The following NCOR2 variants were observed in gnomAD, a reference collection of about 807,000 sequenced individuals.
NCOR2 encodes CTG repeat protein 26.
NCOR2 carries 81 observed loss-of-function variants against 262.9 expected under a neutral mutation model. The observed-to-expected ratio is 0.31, with a 90% CI of 0.26 to 0.37. The LOEUF is 0.37. NCOR2 is among the 10% of genes least tolerant of loss of function. The probability of loss-of-function intolerance (pLI) is 1.00; values close to 1 mark genes in which losing one functional copy is unlikely to be tolerated. For synonymous variants in NCOR2, 1,659 were observed against 1,559.3 expected, an observed-to-expected ratio of 1.06 and a Z score of -1.51; for missense variants, 3,385 against 3,621.4, an observed-to-expected ratio of 0.93 and a Z score of 1.68.
chr12:124,428,467 G>A (rs1446263162), intron 10 of NCOR2, among the ~76,000 whole-genome samples: 1 of 152,176 alleles, frequency 6.6e-6, no homozygotes, highest in Non-Finnish European at 1.5e-5. Flanking sequence ...CGGATTCCTG[G>A]GCTCTGCCCC....
chr12:124,545,405 C>A (rs1369765976), intron 1 of NCOR2, among the ~76,000 whole-genome samples: 2 of 152,194 alleles, frequency 1.3e-5, no homozygotes, highest in Non-Finnish European at 2.9e-5. Context: ...TCTGCAGGAG[C>A]CTCTGGTCTG....
chr12:124,350,730 G>A (rs1467176568), exon 28 of NCOR2: 4 of 1,611,014 alleles, frequency 2.5e-6, no homozygotes, highest in African/African-American at 1.3e-5. Context: ...GACGTCAGCT[G>A]GCGTGCCCTG....
chr12:124,330,599 C>T (rs1436897421), intron 44 of NCOR2, among the ~76,000 whole-genome samples: 1 of 152,244 alleles, frequency 6.6e-6, no homozygotes, highest in Non-Finnish European at 1.5e-5. Context: ...CTGATACTTA[C>T]TAACCACCCG....
intron 1 of NCOR2, among the ~76,000 whole-genome samples, chr12:124,546,642 T>A (rs920058634): frequency 1.7e-4 from 26 of 152,086 alleles, no homozygotes; most frequent in Admixed American, 1.5e-3. Flanking sequence ...CTCAAACTCC[T>A]GGCCTCGAGA....
At chr12:124,468,873 A>C (rs1221135583) in intron 4 of NCOR2, among the ~76,000 whole-genome samples, 1 of 21,864 alleles carries the variant, frequency 4.6e-5, no homozygotes, top group African/African-American at 2.0e-4. Context: ...CATCATCCTC[A>C]TACTCATCAC....
chr12:124,479,498 C>T (rs560986177), intron 3 of NCOR2, among the ~76,000 whole-genome samples: 131 of 151,506 alleles, frequency 8.6e-4, no homozygotes, highest in Non-Finnish European at 1.5e-3. Flanking sequence ...CAGGCACATG[C>T]GCGCATACAC....
chr12:124,507,217 C>T (rs1294107117), intron 1 of NCOR2, among the ~76,000 whole-genome samples: 1 of 152,162 alleles, frequency 6.6e-6, no homozygotes, highest in Non-Finnish European at 1.5e-5. Context: ...GGGGGAGTTA[C>T]TGTTTAACAG....
At chr12:124,364,126 C>G (rs775880857) in intron 20 of NCOR2, among the ~76,000 whole-genome samples, 1 of 152,208 alleles carries the variant, frequency 6.6e-6, no homozygotes, top group Non-Finnish European at 1.5e-5. Context: ...GCTAGAGGCC[C>G]AGGCTGGGAT....
chr12:124,390,700 G>A (rs897265767), intron 16 of NCOR2, among the ~76,000 whole-genome samples: 1 of 152,232 alleles, frequency 6.6e-6, no homozygotes, highest in Non-Finnish European at 1.5e-5. Context: ...TCCCAAAAGA[G>A]GCTGGGGTAT....
At chr12:124,355,143 C>T (rs1566386870) in intron 24 of NCOR2, 2 of 614,730 alleles carry the variant, frequency 3.3e-6, no homozygotes, top group East Asian at 5.7e-5. Flanking sequence ...GAGCCCCTTG[C>T]ATTTGCCCTT....
intron 27 of NCOR2, among the ~76,000 whole-genome samples, chr12:124,351,904 A>G (rs1269780086): frequency 6.6e-6 from 1 of 152,206 alleles, no homozygotes; most frequent in Non-Finnish European, 1.5e-5. Flanking sequence ...TGGACCAGTG[A>G]GCTCTGAGTC....
Position 124,327,607 on chromosome 12 carries a change from C to T in NCOR2, c.6985G>A (p.Val2329Met), listed in dbSNP as rs201624482. Residue 2329 changes from valine to methionine, a missense_variant, in exon 45 of 47, where the codon GTG becomes ATG. Val to Met is a conservative substitution (Grantham distance 21, BLOSUM62 1). Around this residue, in one of 5 missense-constraint regions of NCOR2, gnomAD observed 1,017 missense variants for 967.2 expected, o/e 1.05. Coordinates refer to ENST00000405201, the Ensembl canonical transcript of NCOR2. ...ATGTTGGTGCTGGCATGTTCCTGCA[C>T]CGCCTGGCTTCTATAGGTCATAAGG... is the stretch of plus-strand genomic sequence containing the variant. 23 of 1,611,456 alleles carry T rather than the reference C, an allele frequency of 1.4e-5. No individual in the cohort carries two copies. In the African/African-American group the frequency reaches 2.1e-4, roughly 15 times the overall value.
At chr12:124,442,730 A>T (rs765927142) in intron 7 of NCOR2, among the ~76,000 whole-genome samples, 1 of 152,158 alleles carries the variant, frequency 6.6e-6, no homozygotes, top group Non-Finnish European at 1.5e-5. Flanking sequence ...AAAAAAACTG[A>T]TATGTGTAAA....
chr12:124,330,927 C>T, intron 43 of NCOR2, 29 bp from the exon 46 acceptor site: 3 of 1,566,896 alleles, frequency 1.9e-6, no homozygotes, highest in Non-Finnish European at 2.6e-6. Context: ...GTGGGTGAGG[C>T]CCCCAGGTCT....
Position 124,549,052 on chromosome 12 carries a change from A to C in NCOR2, c.-164-13441T>G, listed in dbSNP as rs1383167088. ...CTAGTCTGTATTAAGGAGGAATTTC[A>C]TTGCCCAGGAGTAGAGGGGATTTCC... On this transcript the variant is annotated intron_variant, in intron 1 of 32. Transcript: ENST00000458234. The surrounding 1 kb of genome is among the most constrained non-coding windows in gnomAD (Gnocchi z 4.4). 1.3e-5 allele frequency among the ~76,000 whole-genome samples: 2 copies of C among 152,056 alleles called. No individual in the cohort carries two copies. The highest frequency in any genetic ancestry group is 2.9e-5 in the Non-Finnish European group (2 of 68,026).
At chr12:124,336,760 A>C in exon 38 of NCOR2, 1 of 1,613,142 alleles carries the variant, frequency 6.2e-7, no homozygotes, top group Non-Finnish European at 8.5e-7. Flanking sequence ...TACCCAGAGA[A>C]CGGAGTTCCA....
rs1555222718 is a variant in NCOR2, at chr12:124,433,904, A to ACACACACACACACACACG, written c.883-3118_883-3117insCGTGTGTGTGTGTGTGTG. 4.8e-3 allele frequency among the ~76,000 whole-genome samples: 446 copies of ACACACACACACACACACG among 93,852 alleles called. 14 individuals are homozygous for ACACACACACACACACACG. Among genetic ancestry groups the ACACACACACACACACACG allele is most frequent in the Middle Eastern group, 0.012 (2 of 162 alleles). The allele number at this position is 93,852 out of a possible 152,430, so 61.6% of individuals were successfully genotyped here. A position where few individuals can be genotyped will look rare whatever the true frequency, so the allele number is the denominator to read the frequency against. On this transcript the variant is annotated intron_variant, in intron 8 of 46. Transcript: ENST00000405201. ...CACACACACACACACACACACGCAC[A>ACACACACACACACACACG]CACACACACAGGGAAAGACTGGAGC... is the stretch of plus-strand genomic sequence containing the variant.
At chr12:124,333,054 C>G in intron 42 of NCOR2, 76 bp downstream of exon 44, 1 of 1,505,972 alleles carries the variant, frequency 6.6e-7, no homozygotes, top group South Asian at 1.3e-5. Flanking sequence ...CACATGGCAC[C>G]ACGGTGGACT....
At chr12:124,507,407 C>T (rs2049108715) in intron 1 of NCOR2, among the ~76,000 whole-genome samples, 2 of 152,232 alleles carry the variant, frequency 1.3e-5, no homozygotes, top group South Asian at 4.1e-4. Flanking sequence ...TCCCTGATTG[C>T]TAGTGTTGTG....
Sources: gnomAD v4.1 joint callset for allele counts (sites outside exome capture counted in the v4.1 genomes callset) on GRCh38, gnomAD v4.1.1 for gene constraint, gnomAD v4.1.1 regional missense constraint, Gnocchi (gnomAD v3.1) non-coding constraint, MANE v1.5 for transcripts, NCBI Gene and HGNC (gene_info 2026-07-23, HGNC 2026-07-21) for gene names.